Variants in ASIC2 observed in about 807,000 individuals in gnomAD.
ASIC2 encodes the protein acid-sensing ion channel 2.
ASIC2 carries 25 observed loss-of-function variants against 57.3 expected under a neutral mutation model. The observed-to-expected ratio is 0.44, with a 90% CI of 0.32 to 0.61. The LOEUF (loss-of-function observed/expected upper bound fraction) is 0.61. Ranked by LOEUF, ASIC2 falls within the 20% of genes least tolerant of loss-of-function variation. The probability of loss-of-function intolerance (pLI) is 0.06; values close to 1 mark genes in which losing one functional copy is unlikely to be tolerated. For synonymous variants in ASIC2, 319 were observed against 307.5 expected, an observed-to-expected ratio of 1.04 and a Z score of -0.39; for missense variants, 641 against 738.1, an observed-to-expected ratio of 0.87 and a Z score of 1.52.
intron 1 of ASIC2, among the ~76,000 whole-genome samples, chr17:34,027,766 C>T (rs1907433302): frequency 6.6e-6 from 1 of 152,204 alleles, no homozygotes; most frequent in African/African-American, 2.4e-5. Context: ...CATCCCTCTC[C>T]TACACTGCAA....
At chr17:33,638,333 C>T (rs1022952488) in intron 1 of ASIC2, among the ~76,000 whole-genome samples, 7 of 152,148 alleles carry the variant, frequency 4.6e-5, no homozygotes, top group South Asian at 2.1e-4. Context: ...AAATTCCTCC[C>T]GTGATTAGCC....
intron 1 of ASIC2, among the ~76,000 whole-genome samples, chr17:33,258,720 C>T (rs1430144613): frequency 6.6e-6 from 1 of 152,134 alleles, no homozygotes; most frequent in Admixed American, 6.5e-5. Context: ...AAGACATATA[C>T]AATGTTCTCT....
chr17:33,984,554 G>C (rs1268967552), intron 1 of ASIC2, among the ~76,000 whole-genome samples: 1 of 152,204 alleles, frequency 6.6e-6, no homozygotes, highest in Non-Finnish European at 1.5e-5. Context: ...AATTTCCCAG[G>C]ATTTTCTCAT....
intron 3 of ASIC2, among the ~76,000 whole-genome samples, chr17:33,069,879 A>C (rs1241176341): frequency 6.6e-6 from 1 of 152,054 alleles, no homozygotes. Flanking sequence ...TTATTTTGTT[A>C]TATGTGTTCT....
intron 1 of ASIC2, among the ~76,000 whole-genome samples, chr17:33,351,089 G>T (rs186387763): frequency 6.6e-6 from 1 of 152,178 alleles, no homozygotes; most frequent in Admixed American, 6.5e-5. Flanking sequence ...AAGCCCTTGA[G>T]TTGCTTATCA....
intron 1 of ASIC2, among the ~76,000 whole-genome samples, chr17:33,477,273 C>CA (rs2141924167): frequency 6.6e-6 from 1 of 152,250 alleles, no homozygotes; most frequent in South Asian, 2.1e-4. Flanking sequence ...CTGCCAGTAA[C>CA]ATCTAAAAAT....
chr17:33,180,192 T>C (rs1371590399), intron 1 of ASIC2, among the ~76,000 whole-genome samples: 1 of 152,182 alleles, frequency 6.6e-6, no homozygotes, highest in African/African-American at 2.4e-5. Flanking sequence ...CCAACAATGG[T>C]TCTATTTACG....
chr17:33,081,116 A>C (rs2092111583), intron 3 of ASIC2, among the ~76,000 whole-genome samples: 1 of 152,204 alleles, frequency 6.6e-6, no homozygotes, highest in Admixed American at 6.5e-5. Flanking sequence ...TTGATTCCCC[A>C]ACAGTGCTAA....
At chr17:33,499,245 G>C (rs183051720) in intron 1 of ASIC2, among the ~76,000 whole-genome samples, 129 of 152,346 alleles carry the variant, frequency 8.5e-4, no homozygotes, top group Non-Finnish European at 8.8e-4. Flanking sequence ...TCAGGCCTAA[G>C]CCAACTGGCA....
intron 1 of ASIC2, among the ~76,000 whole-genome samples, chr17:33,480,585 A>C (rs1913371528): frequency 6.6e-6 from 1 of 152,182 alleles, no homozygotes; most frequent in Non-Finnish European, 1.5e-5. Flanking sequence ...TCATATCTCC[A>C]AGACCAGGAG....
intron 1 of ASIC2, among the ~76,000 whole-genome samples, chr17:33,736,716 T>A (rs1342821011): frequency 6.6e-6 from 1 of 152,228 alleles, no homozygotes; most frequent in Non-Finnish European, 1.5e-5. Flanking sequence ...TACCCTCCTC[T>A]CCGAGATCAT....
intron 1 of ASIC2, among the ~76,000 whole-genome samples, chr17:33,371,358 T>C (rs1909052166): frequency 6.6e-6 from 1 of 151,904 alleles, no homozygotes; most frequent in African/African-American, 2.4e-5. Flanking sequence ...CTCTGACACA[T>C]GTATGTGCTT....
intron 1 of ASIC2, among the ~76,000 whole-genome samples, chr17:33,323,379 A>G (rs960073694): frequency 3.3e-5 from 5 of 152,224 alleles, no homozygotes; most frequent in East Asian, 1.9e-4. Context: ...ACTACAGGCA[A>G]CAATATGGAA....
intron 1 of ASIC2, among the ~76,000 whole-genome samples, chr17:33,216,884 G>T (rs1258401288): frequency 6.6e-6 from 1 of 152,166 alleles, no homozygotes; most frequent in Non-Finnish European, 1.5e-5. Flanking sequence ...CCAGTCAGGG[G>T]GTTGTTTGAA....
intron 1 of ASIC2, among the ~76,000 whole-genome samples, chr17:33,413,418 G>T (rs1379244597): frequency 3.9e-5 from 6 of 152,160 alleles, no homozygotes; most frequent in Admixed American, 3.9e-4. Flanking sequence ...ATTGCAGCCT[G>T]AATACAGTCA....
chr17:33,978,931 C>A (rs1271313709), intron 1 of ASIC2, among the ~76,000 whole-genome samples: 1 of 152,116 alleles, frequency 6.6e-6, no homozygotes, highest in African/African-American at 2.4e-5. Flanking sequence ...AACATTATCA[C>A]AAAAGGGCTG....
At chr17:33,818,891 G>A (rs1365493201) in intron 1 of ASIC2, among the ~76,000 whole-genome samples, 1 of 152,136 alleles carries the variant, frequency 6.6e-6, no homozygotes, top group Non-Finnish European at 1.5e-5. Context: ...TTAAAATTGG[G>A]CATGCCTTCC....
chr17:33,688,381 A>G (rs1597836059), intron 1 of ASIC2, among the ~76,000 whole-genome samples: 1 of 152,282 alleles, frequency 6.6e-6, no homozygotes, highest in East Asian at 1.9e-4. Context: ...AAAGTACTGA[A>G]GTTTTTGAAT....
At chr17:33,572,254 C>G (rs182884157) in intron 1 of ASIC2, 1 of 152,116 alleles carries the variant, frequency 6.6e-6, no homozygotes, top group Admixed American at 6.5e-5. Context: ...TCAGAGAGAG[C>G]CCACAAGATC....
Sources: gnomAD v4.1 joint callset for allele counts (sites outside exome capture counted in the v4.1 genomes callset) on GRCh38, gnomAD v4.1.1 for gene constraint, MANE v1.5 for transcripts, NCBI Gene and HGNC (gene_info 2026-07-23, HGNC 2026-07-21) for gene names.